The following SPTB variants were observed in gnomAD, a reference collection of about 807,000 sequenced individuals.
SPTB encodes the protein spectrin beta chain, erythrocytic.
A neutral mutation model predicts 256.2 loss-of-function variants in SPTB; 45 were observed. The observed-to-expected ratio is 0.18, with a 90% confidence interval of 0.14 to 0.23. SPTB has a LOEUF of 0.23. Ranked by LOEUF, SPTB falls within the 10% of genes least tolerant of loss-of-function variation. The pLI is 1.00. For synonymous variants in SPTB, 1,231 were observed against 1,243.1 expected, an observed-to-expected ratio of 0.99 and a Z score of 0.21; for missense variants, 2,715 against 3,040.4, an observed-to-expected ratio of 0.89 and a Z score of 2.52.
At position 64,767,715 on chromosome 14, in the gene SPTB, T is replaced by G; in HGVS notation, c.6167A>C (p.Lys2056Thr). 4 of 1,614,198 alleles carry G rather than the reference T, an allele frequency of 2.5e-6. No individual in the cohort carries two copies. In the South Asian group the frequency reaches 3.3e-5, roughly 13 times the overall value. ...KLIKRHEAFE[K>T]STASWAERFA... is the part of the protein sequence containing the mutation. Reference sequence around the variant, plus strand: ...GCGCTCTGCCCAGCTGGCCGTGGACTTCTCAAAAGCCTCATGCCTCTTGAT... The same window carrying G: ...GCGCTCTGCCCAGCTGGCCGTGGACGTCTCAAAAGCCTCATGCCTCTTGAT... The change falls in exon 30 of 36, where the codon AAG (lysine) becomes ACG (threonine). Residue 2056 changes from lysine to threonine, a missense_variant. By Grantham distance (78) the Lys-to-Thr change is moderately conservative. Around this residue, in one of 4 missense-constraint regions of SPTB, gnomAD observed 2,239 missense variants for 2,384.4 expected, o/e 0.94. Coordinates refer to ENST00000644917, the MANE Select transcript of SPTB (RefSeq NM_001355436.2).
At chr14:64,799,717 G>A in intron 9 of SPTB, 30 bp downstream of exon 9, 2 of 1,613,236 alleles carry the variant, frequency 1.2e-6, no homozygotes, top group Non-Finnish European at 8.5e-7. Flanking sequence ...AGCCACTGAG[G>A]ACCACCCTCC....
At position 64,816,838 on chromosome 14, in the gene SPTB, C is replaced by T. The variant is rs918206789; in HGVS notation, c.148+6109G>A. Among the ~76,000 whole-genome samples, 1 of 149,854 alleles carries T rather than the reference C, an allele frequency of 6.7e-6. No homozygotes were observed. The highest frequency in any genetic ancestry group is 2.5e-5 in the African/African-American group (1 of 39,426). On this transcript the variant is annotated intron_variant, in intron 2 of 35. Coordinates refer to ENST00000644917, the MANE Select transcript of SPTB (RefSeq NM_001355436.2). This position sits in a 1 kb window ranked among gnomAD's most constrained non-coding sequence, Gnocchi z 4.2. The stretch of plus-strand genomic sequence containing the variant: ...AGAAGCATGTGGGGGACACATGGGG[C>T]AGGGAGAATGGGTGCTGGCTTTTCC...
chr14:64,776,991 G>T (rs1273406599), intron 22 of SPTB, among the ~76,000 whole-genome samples: 1 of 152,220 alleles, frequency 6.6e-6, no homozygotes, highest in Non-Finnish European at 1.5e-5. Context: ...ATAAACAAAG[G>T]CTGGGCCTTC....
rs1354361407 is a variant in SPTB, at chr14:64,758,154, C to T, written c.6346-4361G>A. ...TGATCCTTCACCCCTCCCTATCCAC[C>T]CCTGCCTCCCTGGGGCTTTGCCGAG... is the stretch of plus-strand genomic sequence containing the variant. On this transcript the variant is annotated intron_variant, in intron 32 of 35. Coordinates refer to ENST00000644917, the MANE Select transcript of SPTB (RefSeq NM_001355436.2). This position sits in a 1 kb window ranked among gnomAD's most constrained non-coding sequence, Gnocchi z 4.6. 6.6e-6 allele frequency among the ~76,000 whole-genome samples: 1 copy of T among 152,240 alleles called. No homozygotes were observed. The highest frequency in any genetic ancestry group is 1.5e-5 in the Non-Finnish European group (1 of 68,048).
chr14:64,779,173 A>T lies in SPTB; in HGVS notation c.4547T>A (p.Phe1516Tyr). The T allele has an allele frequency of 6.2e-7, 1 of 1,613,964 alleles. No homozygotes were observed. The highest frequency in any genetic ancestry group is 8.5e-7 in the Non-Finnish European group (1 of 1,179,940). The part of the protein sequence containing the change: ...YGTNLQTVQL[F>Y]MKKNQTLQNE... ...AGGACTCACCTGGTTCTTCTTCATGAACAGTTGCACAGTTTGCAGATTAGT... is the reference window on the plus strand; with the variant it reads ...AGGACTCACCTGGTTCTTCTTCATGTACAGTTGCACAGTTTGCAGATTAGT... The change falls in exon 22 of 36, where the codon TTC (phenylalanine) becomes TAC (tyrosine). Residue 1516 changes from phenylalanine (F) to tyrosine (Y), a missense_variant. This residue lies in a region of SPTB where 2,239 missense variants were observed against 2,384.4 expected (regional missense o/e 0.94). Coordinates refer to ENST00000644917, the MANE Select transcript of SPTB (RefSeq NM_001355436.2). This position sits in a 1 kb window ranked among gnomAD's most constrained non-coding sequence, Gnocchi z 4.2.
chr14:64,851,716 G>T (rs575130184), intron 1 of SPTB, among the ~76,000 whole-genome samples: 1 of 152,276 alleles, frequency 6.6e-6, no homozygotes. Context: ...CCTTTGCAGG[G>T]ACATAGATGG....
At chr14:64,798,951 GCA>G in intron 9 of SPTB, among the ~76,000 whole-genome samples, 1 of 152,336 alleles carries the variant, frequency 6.6e-6, no homozygotes, top group South Asian at 2.1e-4. Flanking sequence ...GTGTATGTGT[GCA>G]TGTTTGTGTG....
At chr14:64,822,331 A>ATG (rs2083301360) in intron 2 of SPTB, among the ~76,000 whole-genome samples, 2 of 16,930 alleles carry the variant, frequency 1.2e-4, no homozygotes, top group Non-Finnish European at 3.1e-4. Flanking sequence ...TAGAGATTTA[A>ATG]GATATTCTCC....
rs73275700 is a variant in SPTB at position 64,821,647 on chromosome 14, T to C, written c.148+1300A>G. Among the ~76,000 whole-genome samples, 260 of 152,344 alleles carry C rather than the reference T, an allele frequency of 1.7e-3. 2 individuals are homozygous for C. Among genetic ancestry groups the C allele is most frequent in the African/African-American group, 6.1e-3 (254 of 41,576 alleles). On this transcript the variant is annotated intron_variant, in intron 2 of 35. Coordinates refer to ENST00000644917, the MANE Select transcript of SPTB (RefSeq NM_001355436.2). Reference sequence around the variant, plus strand: ...ACACAAAAGCAATGGGTCACCGTTATGGTCCGTCCCCAAGGGAAACCAAGG... The same window carrying C: ...ACACAAAAGCAATGGGTCACCGTTACGGTCCGTCCCCAAGGGAAACCAAGG...
At chr14:64,838,291 C>G (rs2083556519) in intron 1 of SPTB, among the ~76,000 whole-genome samples, 1 of 151,176 alleles carries the variant, frequency 6.6e-6, no homozygotes, top group African/African-American at 2.5e-5. Flanking sequence ...AAATATAAAA[C>G]CTACAGCCAT....
At chr14:64,872,713 G>A (rs184357344) in intron 1 of SPTB, among the ~76,000 whole-genome samples, 29 of 152,262 alleles carry the variant, frequency 1.9e-4, no homozygotes, top group Non-Finnish European at 2.8e-4. Context: ...CTTGAATTGC[G>A]GCTCCCATAA....
intron 4 of SPTB, 124 bp downstream of exon 4, chr14:64,803,483 G>T: frequency 2.5e-6 from 3 of 1,207,346 alleles, no homozygotes; most frequent in Non-Finnish European, 3.6e-6. Flanking sequence ...GTCCCATGTG[G>T]CAGATTTACA....
chr14:64,821,140 G>A (rs188379194), intron 2 of SPTB, among the ~76,000 whole-genome samples: 38 of 152,296 alleles, frequency 2.5e-4, no homozygotes, highest in African/African-American at 8.7e-4. Flanking sequence ...TCCATGAACT[G>A]TTCCCCGATT....
At position 64,795,603 on chromosome 14, in the gene SPTB, C is replaced by T. The variant is rs377510670; in HGVS notation, c.1378G>A (p.Ala460Thr). The T allele has an allele frequency of 4.0e-5, 64 of 1,613,902 alleles. No individual in the cohort carries two copies. The highest frequency in any genetic ancestry group is 1.6e-4 in the Middle Eastern group (1 of 6,082). ...TCGATGGCCTCATGCTTCTTCTTGG[C>T]GGCCTCCACAGCTGCCAGGTCATAC... is the stretch of plus-strand genomic sequence containing the variant. ...FGYDLAAVEA[A>T]KKKHEAIETD... The change falls in exon 12 of 36, where the codon GCC (alanine) becomes ACC (threonine). Residue 460 changes from alanine (A) to threonine (T), a missense_variant. Ala to Thr is a moderately conservative substitution (Grantham distance 58). Around this residue, in one of 4 missense-constraint regions of SPTB, gnomAD observed 416 missense variants for 571.1 expected, o/e 0.73. Coordinates refer to ENST00000644917, the MANE Select transcript of SPTB (RefSeq NM_001355436.2). This position sits in a 1 kb window ranked among gnomAD's most constrained non-coding sequence, Gnocchi z 6.5.
Position 64,784,481 on chromosome 14 carries a change from G to A in SPTB, c.3856-88C>T. 3 of 1,545,982 alleles carry A rather than the reference G, an allele frequency of 1.9e-6. No homozygotes were observed. In the South Asian group the frequency reaches 3.4e-5, roughly 17 times the overall value. On this transcript the variant is annotated intron_variant, in intron 18 of 35. Coordinates refer to ENST00000644917, the MANE Select transcript of SPTB (RefSeq NM_001355436.2). ...CTGCCCATCCCTGGCTGCAGAAGGAGAAGGCCATGGGGAGGAAGTGCAAGC... is the reference window on the plus strand; with the variant it reads ...CTGCCCATCCCTGGCTGCAGAAGGAAAAGGCCATGGGGAGGAAGTGCAAGC...
At chr14:64,832,532 C>T (rs900424774) in intron 1 of SPTB, among the ~76,000 whole-genome samples, 1 of 152,188 alleles carries the variant, frequency 6.6e-6, no homozygotes, top group Admixed American at 6.5e-5. Flanking sequence ...TCTTCACTCC[C>T]ATGACTTGAA....
chr14:64,797,483 AAAAAAAAAAAAAAAAAAAAG>A (rs1221847624), intron 10 of SPTB, among the ~76,000 whole-genome samples: 1 of 143,570 alleles, frequency 7.0e-6, no homozygotes, highest in Non-Finnish European at 1.5e-5. Context: ...AAAAAAAAAA[AAAAAAAAAAAAAAAAAAAAG>A]GACTCAGGGA....
intron 32 of SPTB, among the ~76,000 whole-genome samples, chr14:64,765,025 CGT>C (rs565885364): frequency 0.012 from 1,388 of 118,284 alleles, 18 homozygotes; most frequent in East Asian, 0.096. Flanking sequence ...GGAGTGTGTG[CGT>C]GTGTGTGTGT....
At chr14:64,822,321 T>C (rs2083301082) in intron 2 of SPTB, among the ~76,000 whole-genome samples, 3 of 64,886 alleles carry the variant, frequency 4.6e-5, no homozygotes, top group Admixed American at 1.8e-4. Flanking sequence ...TCATTTCTAC[T>C]AGAGATTTAA....
Sources: allele counts gnomAD v4.1 joint callset (sites outside exome capture counted in the v4.1 genomes callset), GRCh38; gene constraint gnomAD v4.1.1; regional missense constraint gnomAD v4.1.1; non-coding constraint Gnocchi (gnomAD v3.1); transcripts MANE v1.5; gene names NCBI Gene and HGNC (gene_info 2026-07-23, HGNC 2026-07-21).